SND1: variants seen among roughly 807,000 people sequenced by gnomAD.
SND1 encodes staphylococcal nuclease domain-containing protein 1.
A neutral mutation model predicts 121.7 loss-of-function variants in SND1; 38 were observed. The observed-to-expected ratio is 0.31, with a 90% CI of 0.24 to 0.41. The LOEUF (loss-of-function observed/expected upper bound fraction) is 0.41, where lower values mean the gene tolerates loss of function less well. SND1 is among the 10% of genes least tolerant of loss of function. The pLI, the probability that SND1 is intolerant of heterozygous loss-of-function variation, is 1.00. For synonymous variants in SND1, 401 were observed against 447.4 expected (o/e 0.90, Z 1.31); for missense variants, 868 against 1,184.6 (o/e 0.73, Z 3.92).
chr7:127,808,798 G>C (rs1221480658), intron 11 of SND1, among the ~76,000 whole-genome samples: 1 of 152,198 alleles, frequency 6.6e-6, no homozygotes, highest in Non-Finnish European at 1.5e-5. Context: ...CCTGTTATCT[G>C]ATCTAATGTC....
chr7:128,028,844 G>T, intron 16 of SND1: 2 of 1,614,146 alleles, frequency 1.2e-6, no homozygotes, highest in Admixed American at 3.3e-5. Context: ...CATGAATTGT[G>T]GGCAGCACTA....
intron 16 of SND1, among the ~76,000 whole-genome samples, chr7:128,072,982 T>C (rs1484918690): frequency 2.0e-5 from 3 of 152,162 alleles, no homozygotes; most frequent in Non-Finnish European, 4.4e-5. Flanking sequence ...CAGCCCAGAA[T>C]TGGGGCCAGC....
At chr7:127,949,271 C>T (rs1197865484) in intron 15 of SND1, 1 of 152,206 alleles carries the variant, frequency 6.6e-6, no homozygotes, top group African/African-American at 2.4e-5. Context: ...CTCTCATACA[C>T]ATTTGTTTTC....
At chr7:127,658,186 GCGC>G (rs1795244346) in intron 1 of SND1, among the ~76,000 whole-genome samples, 1 of 152,084 alleles carries the variant, frequency 6.6e-6, no homozygotes, top group South Asian at 2.1e-4. Flanking sequence ...ATGGTGGCGC[GCGC>G]CTGTAGTCCC....
At chr7:127,901,515 A>G (rs561121944) in intron 13 of SND1, among the ~76,000 whole-genome samples, 10 of 152,298 alleles carry the variant, frequency 6.6e-5, no homozygotes, top group African/African-American at 2.4e-4. Context: ...GCCTCTGCAC[A>G]GGGAAAGGAG....
intron 17 of SND1, among the ~76,000 whole-genome samples, chr7:128,075,524 C>T (rs2117052144): frequency 6.6e-6 from 1 of 152,336 alleles, no homozygotes; most frequent in East Asian, 1.9e-4. Flanking sequence ...GCCCCAGAAG[C>T]ACCAGATTCT....
Position 128,092,165 on chromosome 7 carries a change from C to A in SND1, c.*107C>A. The A allele has an allele frequency of 8.2e-7, 1 of 1,222,106 alleles. No individual in the cohort carries two copies. Among genetic ancestry groups the A allele is most frequent in the Non-Finnish European group, 1.2e-6 (1 of 841,742 alleles). 75.7% of individuals were successfully genotyped at this position (1,222,106 alleles called of 1,614,324 possible). On this transcript the variant is annotated 3_prime_UTR_variant, in exon 24 of 24. Coordinates refer to ENST00000354725, the MANE Select transcript of SND1 (RefSeq NM_014390.4). The surrounding 1 kb of genome is among the most constrained non-coding windows in gnomAD (Gnocchi z 4.9). The stretch of plus-strand genomic sequence containing the variant: ...CCAGAGAGGGGTTGTAGATTGGGTC[C>A]AGCTTTGCTTCAGTGTGTGGAAATG...
intron 16 of SND1, among the ~76,000 whole-genome samples, chr7:128,061,215 C>G (rs941029611): frequency 2.6e-5 from 4 of 152,216 alleles, no homozygotes; most frequent in Admixed American, 6.5e-5. Flanking sequence ...TAATGAAACC[C>G]TGGCTCCTGT....
rs76653138 is a variant in SND1 at position 127,730,397 on chromosome 7, T to G, written c.1152+8997T>G. On this transcript the variant is annotated intron_variant, in intron 10 of 23. Transcript: ENST00000354725. ...TGCTGTTTCACAGTAGGGTCTCTAT[T>G]CAGTTTAGCTGTGAAGACATTCTGG... Among the ~76,000 whole-genome samples the G allele has an allele frequency of 5.5e-3, 834 of 152,376 alleles. 9 individuals are homozygous for G. The highest frequency in any genetic ancestry group is 0.019 in the African/African-American group (801 of 41,598).
chr7:127,784,483 C>G (rs946942960), intron 10 of SND1, among the ~76,000 whole-genome samples: 1 of 152,222 alleles, frequency 6.6e-6, no homozygotes, highest in Non-Finnish European at 1.5e-5. Flanking sequence ...TCTCCCCTCT[C>G]CTACTTCTGA....
At chr7:127,881,559 A>G (rs894259665) in intron 12 of SND1, among the ~76,000 whole-genome samples, 1 of 152,162 alleles carries the variant, frequency 6.6e-6, no homozygotes, top group Non-Finnish European at 1.5e-5. Context: ...ATATATGTAT[A>G]TGGGGAAAGT....
chr7:128,016,144 C>CTTT lies in SND1; in HGVS notation c.1779+25088_1779+25089insTTT, dbSNP rs767867847. ...CTGCTTAAATAGGGAGGAACAACTT[C>CTTT]CTTTTTTTTTTTTTTTTTTTAAGAG... On this transcript the variant is annotated intron_variant, in intron 16 of 23. Coordinates refer to ENST00000354725, the MANE Select transcript of SND1 (RefSeq NM_014390.4). 6.5e-5 allele frequency among the ~76,000 whole-genome samples: 8 copies of CTTT among 122,988 alleles called. 1 individual carries two copies. Among genetic ancestry groups the CTTT allele is most frequent in the African/African-American group, 1.8e-4 (5 of 28,090 alleles). 80.7% of individuals were successfully genotyped at this position (122,988 alleles called of 152,430 possible).
intron 10 of SND1, among the ~76,000 whole-genome samples, chr7:127,734,137 T>C (rs1262159527): frequency 2.6e-5 from 4 of 152,120 alleles, no homozygotes; most frequent in Admixed American, 1.3e-4. Context: ...AGCCAGACTT[T>C]AGTGCAGTAA....
At chr7:127,878,409 G>A (rs1415220205) in intron 12 of SND1, among the ~76,000 whole-genome samples, 3 of 152,148 alleles carry the variant, frequency 2.0e-5, no homozygotes, top group Non-Finnish European at 4.4e-5. Flanking sequence ...ACTTTTTGGG[G>A]TCATGCCTTT....
intron 12 of SND1, among the ~76,000 whole-genome samples, chr7:127,849,467 C>G (rs553273278): frequency 6.6e-6 from 1 of 152,166 alleles, no homozygotes; most frequent in Admixed American, 6.5e-5. Context: ...GGGACATCTA[C>G]AAAATATAAC....
At chr7:127,864,549 CAG>C (rs1799433824) in intron 12 of SND1, among the ~76,000 whole-genome samples, 1 of 152,148 alleles carries the variant, frequency 6.6e-6, no homozygotes, top group Admixed American at 6.5e-5. Context: ...TGTAAAACAG[CAG>C]AGTCTTTCCT....
At chr7:127,921,178 T>C (rs1800698772) in intron 14 of SND1, among the ~76,000 whole-genome samples, 1 of 152,190 alleles carries the variant, frequency 6.6e-6, no homozygotes, top group South Asian at 2.1e-4. Context: ...GTAGAACTTT[T>C]TTCTTTATTT....
At chr7:128,056,536 T>C (rs1364992718) in intron 16 of SND1, among the ~76,000 whole-genome samples, 1 of 152,252 alleles carries the variant, frequency 6.6e-6, no homozygotes, top group African/African-American at 2.4e-5. Flanking sequence ...TTAGCAAACA[T>C]GCACTGACCT....
intron 8 of SND1, among the ~76,000 whole-genome samples, chr7:127,706,217 G>A (rs1235415704): frequency 4.9e-5 from 1 of 20,470 alleles, no homozygotes; most frequent in Non-Finnish European, 2.5e-4. Context: ...AAATTAATTT[G>A]ATTTTTTTTG....
Sources: allele counts gnomAD v4.1 joint callset (sites outside exome capture counted in the v4.1 genomes callset), GRCh38; gene constraint gnomAD v4.1.1; non-coding constraint Gnocchi (gnomAD v3.1); transcripts MANE v1.5; gene names NCBI Gene and HGNC (gene_info 2026-07-23, HGNC 2026-07-21).